EHMT1: variants seen among roughly 807,000 people sequenced by gnomAD.
The protein encoded by EHMT1 is histone-lysine N-methyltransferase EHMT1.
A neutral mutation model predicts 147.2 loss-of-function variants in EHMT1; 15 were observed. The observed-to-expected ratio is 0.10, with a 90% CI of 0.07 to 0.16. The LOEUF is 0.16. Among genes scored for constraint, EHMT1 ranks in the 10% least tolerant of loss-of-function variants. EHMT1 has a pLI of 1.00. For missense variants in EHMT1, 1,587 were observed against 1,772.4 expected (o/e 0.90, Z 1.88); for synonymous variants, 795 against 709.6 (o/e 1.12, Z -1.91).
intron 10 of EHMT1, among the ~76,000 whole-genome samples, chr9:137,771,227 T>C (rs1950564215): frequency 7.7e-6 from 1 of 130,332 alleles, no homozygotes; most frequent in Non-Finnish European, 1.6e-5. Flanking sequence ...TGAGATGGAG[T>C]CTTGCTCTGT....
At chr9:137,691,467 C>T (rs1238189231) in intron 1 of EHMT1, among the ~76,000 whole-genome samples, 8 of 151,692 alleles carry the variant, frequency 5.3e-5, no homozygotes, top group Admixed American at 1.3e-4. Flanking sequence ...CTTGAGCCAC[C>T]GCGCCCAGCC....
At chr9:137,650,448 AAGT>A (rs1937674696) in intron 1 of EHMT1, among the ~76,000 whole-genome samples, 1 of 152,086 alleles carries the variant, frequency 6.6e-6, no homozygotes. Flanking sequence ...AGGGAGTGTG[AAGT>A]AGTATCTCAT....
At chr9:137,682,191 G>A (rs376311671) in intron 1 of EHMT1, among the ~76,000 whole-genome samples, 3 of 151,894 alleles carry the variant, frequency 2.0e-5, no homozygotes, top group East Asian at 1.9e-4. Context: ...CTCATGATCC[G>A]CCCACCTCAG....
In EHMT1 at chr9:137,782,741, T is replaced by C. The variant is rs1205068917; in HGVS notation, c.2382+344T>C. ...ACGCCCCTCCCCCAGCCCCGTTGAC[T>C]GGCTCCCATTTTGTTTAGATCAGAT... is the stretch of plus-strand genomic sequence containing the variant. On this transcript the variant is annotated intron_variant, in intron 15 of 26. Coordinates refer to ENST00000460843, the MANE Select transcript of EHMT1 (RefSeq NM_024757.5). This position sits in a 1 kb window ranked among gnomAD's most constrained non-coding sequence, Gnocchi z 5.7. 2.6e-5 allele frequency among the ~76,000 whole-genome samples: 4 copies of C among 152,198 alleles called. No individual in the cohort carries two copies. The highest frequency in any genetic ancestry group is 9.7e-5 in the African/African-American group (4 of 41,450).
intron 4 of EHMT1, among the ~76,000 whole-genome samples, chr9:137,742,512 A>G (rs1948189995): frequency 1.3e-5 from 2 of 152,112 alleles, no homozygotes. Context: ...ATGTTAAAGC[A>G]GTGGCTTTTA....
intron 18 of EHMT1, among the ~76,000 whole-genome samples, chr9:137,807,084 C>G (rs994202699): frequency 5.9e-5 from 9 of 152,250 alleles, no homozygotes; most frequent in African/African-American, 2.2e-4. Context: ...CTTCTTGGAT[C>G]TGTGGATTTA....
At chr9:137,652,666 G>A (rs538312275) in intron 1 of EHMT1, among the ~76,000 whole-genome samples, 18 of 151,924 alleles carry the variant, frequency 1.2e-4, no homozygotes, top group African/African-American at 3.9e-4. Flanking sequence ...GATTACAGGC[G>A]TGAGCCACCG....
chr9:137,766,610 G>A (rs117370435), intron 10 of EHMT1, among the ~76,000 whole-genome samples: 2,163 of 152,212 alleles, frequency 0.014, 26 homozygotes, highest in Non-Finnish European at 0.023. Flanking sequence ...GTGAGACTCC[G>A]TCACAAAAAC....
intron 15 of EHMT1, among the ~76,000 whole-genome samples, chr9:137,783,458 C>G (rs1564753408): frequency 2.6e-5 from 4 of 152,178 alleles, no homozygotes; most frequent in Admixed American, 1.3e-4. Flanking sequence ...TCTTTTTCTT[C>G]CCTTATTTCT....
In EHMT1 at chr9:137,828,199, C is replaced by A. The variant is rs1039713671; in HGVS notation, c.3541-6150C>A. Among the ~76,000 whole-genome samples the A allele has an allele frequency of 5.9e-5, 9 of 152,074 alleles. No homozygotes were observed. Among genetic ancestry groups the A allele is most frequent in the African/African-American group, 2.2e-4 (9 of 41,410 alleles). Reference sequence around the variant, plus strand: ...GCCCCAGGGGGGTGCTGGCGGGCATCAGGGAAGTCCCGGTGACAAGGGGCA... The same window carrying A: ...GCCCCAGGGGGGTGCTGGCGGGCATAAGGGAAGTCCCGGTGACAAGGGGCA... On this transcript the variant is annotated intron_variant, in intron 25 of 26. Transcript: ENST00000460843. This position sits in a 1 kb window ranked among gnomAD's most constrained non-coding sequence, Gnocchi z 5.3.
intron 1 of EHMT1, among the ~76,000 whole-genome samples, chr9:137,673,341 G>T (rs142753984): frequency 6.6e-6 from 1 of 152,260 alleles, no homozygotes; most frequent in African/African-American, 2.4e-5. Flanking sequence ...TGATAGGACC[G>T]TTGCTCACGT....
intron 1 of EHMT1, among the ~76,000 whole-genome samples, chr9:137,668,322 C>T (rs1389794927): frequency 6.6e-6 from 1 of 151,738 alleles, no homozygotes; most frequent in Non-Finnish European, 1.5e-5. Flanking sequence ...TTCTATTCAC[C>T]CACCCACCAC....
chr9:137,659,206 C>G (rs1246654204), intron 1 of EHMT1, among the ~76,000 whole-genome samples: 1 of 150,918 alleles, frequency 6.6e-6, no homozygotes, highest in Non-Finnish European at 1.5e-5. Context: ...TTCTTCTTTT[C>G]TTATTAATGT....
intron 10 of EHMT1, among the ~76,000 whole-genome samples, chr9:137,770,088 C>T (rs952648700): frequency 2.6e-5 from 4 of 152,184 alleles, no homozygotes; most frequent in Non-Finnish European, 5.9e-5. Context: ...CCGCCCGCCT[C>T]GGCCTCCCAA....
At chr9:137,661,871 C>T (rs1422010191) in intron 1 of EHMT1, among the ~76,000 whole-genome samples, 2 of 152,078 alleles carry the variant, frequency 1.3e-5, no homozygotes, top group African/African-American at 2.4e-5. Context: ...GCTGCAATCT[C>T]GGCTCACTGC....
Position 137,834,331 on chromosome 9 carries a change from C to A in EHMT1, c.3541-18C>A, listed in dbSNP as rs1011537563. On this transcript the variant is annotated intron_variant, in intron 25 of 26. Coordinates refer to ENST00000460843, the MANE Select transcript of EHMT1 (RefSeq NM_024757.5). ...GGGCCTTGCTAACTGCAGCCCGTGC[C>A]GGCTTCTCGCCCTGCAGGACGGGGA... 6.2e-7 allele frequency: 1 copy of A among 1,601,976 alleles called. No individual in the cohort carries two copies. The highest frequency in any genetic ancestry group is 8.5e-7 in the Non-Finnish European group (1 of 1,178,734).
chr9:137,828,311 C>A lies in EHMT1; in HGVS notation c.3541-6038C>A, dbSNP rs1164381658. 2.0e-5 allele frequency among the ~76,000 whole-genome samples: 3 copies of A among 151,258 alleles called. No homozygotes were observed. The highest frequency in any genetic ancestry group is 7.3e-5 in the African/African-American group (3 of 41,098). On this transcript the variant is annotated intron_variant, in intron 25 of 26. Transcript: ENST00000460843. This position sits in a 1 kb window ranked among gnomAD's most constrained non-coding sequence, Gnocchi z 5.3. The stretch of plus-strand genomic sequence containing the variant: ...AACCCACACCCTGTCCCCAAAGATG[C>A]CCTGGACATGCCCTGGGGTGGGGGG...
In EHMT1 at chr9:137,633,823, ATT is replaced by A. The variant is rs4030112; in HGVS notation, c.21+14790_21+14791del. 3.3e-4 allele frequency among the ~76,000 whole-genome samples: 45 copies of A among 137,626 alleles called. No individual in the cohort carries two copies. The East Asian group carries it at 3.9e-3, about 12-fold the overall frequency. The allele number at this position is 137,626 out of a possible 152,430, so 90.3% of individuals were successfully genotyped here. On this transcript the variant is annotated intron_variant, in intron 1 of 26. Transcript: ENST00000460843. ...CTGTGGGCTGTCTTTTCACTTTCTAATTTTTTTTTTTTTTTTTGAGACAGTCT... is the reference window on the plus strand; with the variant it reads ...CTGTGGGCTGTCTTTTCACTTTCTAATTTTTTTTTTTTTTTGAGACAGTCT...
chr9:137,777,181 G>A (rs1297280686), intron 12 of EHMT1: 2 of 334,726 alleles, frequency 6.0e-6, no homozygotes, highest in Non-Finnish European at 1.1e-5. Context: ...GTCTGTGACC[G>A]AGTTCTGTGG....
Sources: allele counts gnomAD v4.1 joint callset (sites outside exome capture counted in the v4.1 genomes callset), GRCh38; gene constraint gnomAD v4.1.1; non-coding constraint Gnocchi (gnomAD v3.1); transcripts MANE v1.5; gene names NCBI Gene and HGNC (gene_info 2026-07-23, HGNC 2026-07-21).